Variants in KCNC2 observed in about 807,000 individuals in gnomAD.
KCNC2 encodes voltage-gated potassium channel KCNC2.
Under a neutral mutation model 44.5 loss-of-function variants are expected in KCNC2, and 21 were observed. The observed-to-expected ratio is 0.47, with a 90% confidence interval of 0.33 to 0.68. The LOEUF (loss-of-function observed/expected upper bound fraction) is 0.68, where lower values mean the gene tolerates loss of function less well. Ranked by LOEUF, KCNC2 falls within the 30% of genes least tolerant of loss-of-function variation. The pLI is 0.01. For missense variants in KCNC2, 589 were observed against 826.2 expected (o/e 0.71, Z 3.52); for synonymous variants, 391 against 339.1 (o/e 1.15, Z -1.68).
At chr12:75,136,044 T>C (rs1256063539) in intron 2 of KCNC2, among the ~76,000 whole-genome samples, 1 of 151,998 alleles carries the variant, frequency 6.6e-6, no homozygotes, top group Non-Finnish European at 1.5e-5. Context: ...AGCTCTATTA[T>C]CCTTTTTTTC....
In KCNC2 at chr12:75,140,824, A is replaced by T. The variant is rs79158670; in HGVS notation, c.687+66473T>A. Among the ~76,000 whole-genome samples the T allele has an allele frequency of 3.3e-3, 506 of 152,230 alleles. 2 individuals carry two copies. The highest frequency in any genetic ancestry group is 0.011 in the African/African-American group (466 of 41,534). On this transcript the variant is annotated intron_variant, in intron 2 of 4. Coordinates refer to ENST00000549446, the MANE Select transcript of KCNC2 (RefSeq NM_139137.4). ...AATGTCATAGACTCAGGAAGATGAA[A>T]AGAAATTGAGAGATTTTCTATTTCC... is the stretch of plus-strand genomic sequence containing the variant.
chr12:75,072,629 T>C (rs1242314523), intron 2 of KCNC2, among the ~76,000 whole-genome samples: 1 of 151,678 alleles, frequency 6.6e-6, no homozygotes, highest in African/African-American at 2.4e-5. Flanking sequence ...ATCAAGTAAG[T>C]CCCATATAAA....
intron 2 of KCNC2, among the ~76,000 whole-genome samples, chr12:75,084,269 TTAGATAGATAGATAGATAGATGATAGA>T (rs1884775471): frequency 4.1e-5 from 5 of 120,862 alleles, no homozygotes; most frequent in Non-Finnish European, 8.3e-5. Flanking sequence ...GATAGATAGA[TTAGATAGATAGATAGATAGATGATAGA>T]TAGATAGATA....
chr12:75,126,848 C>T (rs555376730), intron 2 of KCNC2, among the ~76,000 whole-genome samples: 1 of 152,032 alleles, frequency 6.6e-6, no homozygotes, highest in Admixed American at 6.6e-5. Flanking sequence ...GCATTTGGGG[C>T]AGGAAGGACT....
At position 75,207,434 on chromosome 12, in the gene KCNC2, C is replaced by G; in HGVS notation, c.550G>C (p.Asp184His). 4 of 1,607,940 alleles carry G rather than the reference C, an allele frequency of 2.5e-6. No homozygotes were observed. The highest frequency in any genetic ancestry group is 3.4e-6 in the Non-Finnish European group (4 of 1,177,422). ...ATGCCCAGCCTCTTGGCCGCCAGGT[C>G]CTCGTCGTCGCCGGGGTCGCCGCCA... ...LIGGDPGDDE[D>H]LAAKRLGIED... The change falls in exon 2 of 5, where the codon GAC becomes CAC. Residue 184 changes from aspartate to histidine, a missense_variant. Coordinates refer to ENST00000549446, the MANE Select transcript of KCNC2 (RefSeq NM_139137.4). This position sits in a 1 kb window ranked among gnomAD's most constrained non-coding sequence, Gnocchi z 4.1.
intron 2 of KCNC2, among the ~76,000 whole-genome samples, chr12:75,114,856 CTTTTTTTTTTTTT>C (rs754820554): frequency 4.2e-4 from 36 of 86,560 alleles, no homozygotes; most frequent in Non-Finnish European, 5.7e-4. Context: ...TCAACTTCTA[CTTTTTTTTTTTTT>C]TTTTTTTTTT....
chr12:75,186,478 AT>A (rs1301898459), intron 2 of KCNC2, among the ~76,000 whole-genome samples: 1 of 152,096 alleles, frequency 6.6e-6, no homozygotes, highest in Non-Finnish European at 1.5e-5. Context: ...TATCATGTGG[AT>A]TGTTATAGTT....
At chr12:75,055,921 T>C (rs1305078472) in intron 2 of KCNC2, among the ~76,000 whole-genome samples, 3 of 152,106 alleles carry the variant, frequency 2.0e-5, no homozygotes, top group African/African-American at 4.8e-5. Flanking sequence ...CTTGTTATCA[T>C]TAAAATGAGT....
At chr12:75,119,474 T>A (rs1052114358) in intron 2 of KCNC2, among the ~76,000 whole-genome samples, 1 of 152,244 alleles carries the variant, frequency 6.6e-6, no homozygotes, top group African/African-American at 2.4e-5. Flanking sequence ...ATAATTGTTA[T>A]CTTCATTATT....
intron 2 of KCNC2, among the ~76,000 whole-genome samples, chr12:75,189,535 T>C (rs1264578856): frequency 6.6e-6 from 1 of 152,208 alleles, no homozygotes; most frequent in Non-Finnish European, 1.5e-5. Context: ...AGGAAAACAC[T>C]TCTGTAAGTA....
chr12:75,069,401 G>A (rs1381596404), intron 2 of KCNC2, among the ~76,000 whole-genome samples: 1 of 151,918 alleles, frequency 6.6e-6, no homozygotes, highest in East Asian at 1.9e-4. Context: ...CTCCCAAAGT[G>A]CTGGGATTAC....
At chr12:75,087,207 C>T (rs1050484431) in intron 2 of KCNC2, among the ~76,000 whole-genome samples, 2 of 152,006 alleles carry the variant, frequency 1.3e-5, no homozygotes, top group African/African-American at 2.4e-5. Context: ...CAGTTGCCTC[C>T]TTGTATTAAA....
chr12:75,048,008 G>C, intron 4 of KCNC2, 145 bp downstream of exon 4: 1 of 679,214 alleles, frequency 1.5e-6, no homozygotes, highest in South Asian at 1.8e-5. Flanking sequence ...AGTTTCTAAG[G>C]AGAGAAGATG....
intron 2 of KCNC2, among the ~76,000 whole-genome samples, chr12:75,086,667 A>ATATATATATATATAT (rs1370169387): frequency 1.5e-5 from 1 of 65,736 alleles, no homozygotes; most frequent in African/African-American, 3.4e-5. Flanking sequence ...TGGCAAAAAA[A>ATATATATATATATAT]AAAAAAAAAA....
At chr12:75,118,283 A>C (rs905490013) in intron 2 of KCNC2, among the ~76,000 whole-genome samples, 1 of 152,200 alleles carries the variant, frequency 6.6e-6, no homozygotes, top group Non-Finnish European at 1.5e-5. Flanking sequence ...TACAGCTGAG[A>C]ACAATACATG....
chr12:75,135,668 G>T (rs1025773047), intron 2 of KCNC2, among the ~76,000 whole-genome samples: 6 of 151,908 alleles, frequency 3.9e-5, no homozygotes, highest in African/African-American at 1.4e-4. Flanking sequence ...ATTCTACATT[G>T]GTTCTGTGAA....
intron 2 of KCNC2, among the ~76,000 whole-genome samples, chr12:75,089,880 G>A (rs11180362): frequency 0.033 from 5,046 of 151,804 alleles, 136 homozygotes; most frequent in East Asian, 0.15. Flanking sequence ...GATAATAGTC[G>A]TCGTATTAAG....
rs1879957417 is a variant in KCNC2, at chr12:75,041,983, A to G, written c.*1122T>C. ...GGGAGCTAAGACAGACAAGAACAACATACAGGACAAAGCACCTGATTAAAC... is the reference window on the plus strand; with the variant it reads ...GGGAGCTAAGACAGACAAGAACAACGTACAGGACAAAGCACCTGATTAAAC... On this transcript the variant is annotated 3_prime_UTR_variant, in exon 5 of 5. Transcript: ENST00000549446. 9.6e-7 allele frequency: 1 copy of G among 1,043,388 alleles called. No homozygotes were observed. The highest frequency in any genetic ancestry group is 1.7e-5 in the African/African-American group (1 of 59,160). 64.6% of individuals were successfully genotyped at this position (1,043,388 alleles called of 1,614,324 possible). A position where few individuals can be genotyped will look rare whatever the true frequency, so the allele number is the denominator to read the frequency against.
intron 2 of KCNC2, among the ~76,000 whole-genome samples, chr12:75,137,134 T>A (rs561738071): frequency 1.2e-3 from 180 of 152,294 alleles, no homozygotes; most frequent in South Asian, 5.8e-3. Context: ...CTCTTTTCTC[T>A]TCTCTTTGGC....
Sources: allele counts gnomAD v4.1 joint callset (sites outside exome capture counted in the v4.1 genomes callset), GRCh38; gene constraint gnomAD v4.1.1; non-coding constraint Gnocchi (gnomAD v3.1); transcripts MANE v1.5; gene names NCBI Gene and HGNC (gene_info 2026-07-23, HGNC 2026-07-21).